SCHIP1: variants seen among roughly 807,000 people sequenced by gnomAD.
SCHIP1 encodes schwannomin-interacting protein 1.
SCHIP1 carries 8 observed loss-of-function variants against 29.7 expected under a neutral mutation model. The ratio of observed to expected loss-of-function variants is 0.27; its 90% confidence interval spans 0.16 to 0.49. SCHIP1 has a LOEUF of 0.49. Among genes scored for constraint, SCHIP1 ranks in the 20% least tolerant of loss-of-function variants. SCHIP1 has a pLI of 0.99. For synonymous variants in SCHIP1, 76 were observed against 94.9 expected (o/e 0.80, Z 1.16); for missense variants, 193 against 294.6 (o/e 0.66, Z 2.52).
the SCHIP1 span, among the ~76,000 whole-genome samples, chr3:159,655,380 G>GTGATGA: frequency 2.0e-5 from 3 of 152,096 alleles, no homozygotes; most frequent in South Asian, 2.1e-4. Flanking sequence ...AGTAGTAGTA[G>GTGATGA]TGATGATGAT....
intron 5 of SCHIP1, among the ~76,000 whole-genome samples, chr3:159,890,117 A>T (rs1324531146): frequency 6.6e-6 from 1 of 151,962 alleles, no homozygotes; most frequent in African/African-American, 2.4e-5. Context: ...AGAAAGAAAG[A>T]AAAGAAAAGC....
At position 159,886,149 on chromosome 3, in the gene SCHIP1, G is replaced by A. The variant is rs528307673; in HGVS notation, c.150-58G>A. ...TTAGCAAAATCAGACAGTTCTATTG[G>A]CTGAAGCCAAATAACAAACAGCTAA... On this transcript the variant is annotated intron_variant, in intron 2 of 6. Coordinates refer to ENST00000445224, the Ensembl canonical transcript of SCHIP1. 36 of 1,594,936 alleles carry A rather than the reference G, an allele frequency of 2.3e-5. No individual in the cohort carries two copies. In the Middle Eastern group the frequency reaches 8.3e-4, roughly 37 times the overall value.
At chr3:159,317,083 A>G in the SCHIP1 span, among the ~76,000 whole-genome samples, 1 of 152,164 alleles carries the variant, frequency 6.6e-6, no homozygotes. Context: ...CCTGGATTGT[A>G]CTGTTGTAGT....
the SCHIP1 span, among the ~76,000 whole-genome samples, chr3:159,505,538 A>G: frequency 1.3e-5 from 2 of 152,184 alleles, no homozygotes; most frequent in Admixed American, 6.5e-5. Context: ...TTTGTTACAT[A>G]TGTATACATG....
At chr3:159,552,732 C>T in the SCHIP1 span, among the ~76,000 whole-genome samples, 12 of 152,126 alleles carry the variant, frequency 7.9e-5, no homozygotes, top group Non-Finnish European at 1.0e-4. Flanking sequence ...TAAGCAGACA[C>T]AGGTCTAGAA....
the SCHIP1 span, among the ~76,000 whole-genome samples, chr3:159,417,979 C>G: frequency 6.6e-6 from 1 of 152,132 alleles, no homozygotes; most frequent in Admixed American, 6.6e-5. Context: ...ATGAGTTGAT[C>G]AACAAAGATC....
At chr3:159,564,242 A>T in the SCHIP1 span, among the ~76,000 whole-genome samples, 1 of 152,214 alleles carries the variant, frequency 6.6e-6, no homozygotes, top group East Asian at 1.9e-4. Context: ...AGACAAGTGC[A>T]TAAGTCCTAA....
At chr3:159,770,246 A>G in the SCHIP1 span, among the ~76,000 whole-genome samples, 1 of 152,168 alleles carries the variant, frequency 6.6e-6, no homozygotes, top group African/African-American at 2.4e-5. Context: ...ATTGTTATGG[A>G]CACATGTATA....
At chr3:159,714,465 C>T in the SCHIP1 span, among the ~76,000 whole-genome samples, 7 of 152,196 alleles carry the variant, frequency 4.6e-5, no homozygotes, top group Admixed American at 2.6e-4. Flanking sequence ...GGAAGTGCAG[C>T]GCAAGAAGTC....
At chr3:159,896,348 A>G (rs1240296963) in intron 6 of SCHIP1, among the ~76,000 whole-genome samples, 1 of 152,194 alleles carries the variant, frequency 6.6e-6, no homozygotes, top group East Asian at 1.9e-4. Flanking sequence ...TCCCCATGAG[A>G]ACAGAGACCT....
At chr3:159,754,930 C>G in the SCHIP1 span, among the ~76,000 whole-genome samples, 107,572 of 152,070 alleles carry the variant, frequency 0.71, 38,735 homozygotes, top group Middle Eastern at 0.89. Flanking sequence ...ACCGGAGATG[C>G]GCAATTTACA....
the SCHIP1 span, among the ~76,000 whole-genome samples, chr3:159,441,144 T>G: frequency 1.3e-5 from 2 of 152,158 alleles, no homozygotes; most frequent in Non-Finnish European, 2.9e-5. Context: ...CATGTCTGTG[T>G]GTGCATATGC....
chr3:159,504,682 T>A, the SCHIP1 span, among the ~76,000 whole-genome samples: 6 of 152,140 alleles, frequency 3.9e-5, no homozygotes, highest in East Asian at 1.2e-3. Flanking sequence ...AAACTGCCTG[T>A]CACAAGGACT....
At chr3:159,493,835 C>T in the SCHIP1 span, among the ~76,000 whole-genome samples, 1 of 152,074 alleles carries the variant, frequency 6.6e-6, no homozygotes, top group Non-Finnish European at 1.5e-5. Flanking sequence ...ATTCCAAAAT[C>T]GACTACATAG....
At chr3:159,891,152 A>T (rs1295839456) in intron 5 of SCHIP1, among the ~76,000 whole-genome samples, 1 of 152,174 alleles carries the variant, frequency 6.6e-6, no homozygotes, top group Non-Finnish European at 1.5e-5. Context: ...CGGGCAGATC[A>T]CGAGGTCAGG....
the SCHIP1 span, among the ~76,000 whole-genome samples, chr3:159,295,269 A>C: frequency 2.1e-5 from 3 of 145,042 alleles, no homozygotes; most frequent in Admixed American, 6.8e-5. Flanking sequence ...AAAAAAAAAA[A>C]AAAAAAACAA....
chr3:159,840,293 C>A, intron 1 of SCHIP1: 1 of 1,266,390 alleles, frequency 7.9e-7, no homozygotes, highest in Non-Finnish European at 1.1e-6. Flanking sequence ...CAGGTTGCCT[C>A]TTTCCGGATA....
At chr3:159,274,023 A>T in the SCHIP1 span, 1 of 1,478,954 alleles carries the variant, frequency 6.8e-7, no homozygotes, top group South Asian at 1.4e-5. Flanking sequence ...AGAATTAAGC[A>T]TTTAAGGTAT....
chr3:159,368,094 G>A, the SCHIP1 span, among the ~76,000 whole-genome samples: 1 of 151,828 alleles, frequency 6.6e-6, no homozygotes, highest in Non-Finnish European at 1.5e-5. Context: ...CCTGTCTTGA[G>A]TCCTCCCAAC....
Sources: allele counts gnomAD v4.1 joint callset (sites outside exome capture counted in the v4.1 genomes callset), GRCh38; gene constraint gnomAD v4.1.1; transcripts MANE v1.5; gene names NCBI Gene and HGNC (gene_info 2026-07-23, HGNC 2026-07-21).